Variants in DMD observed in about 807,000 individuals in gnomAD.
DMD encodes the protein dystrophin.
DMD carries 63 observed loss-of-function variants against 330.1 expected under a neutral mutation model. The ratio of observed to expected loss-of-function variants is 0.19; its 90% CI spans 0.16 to 0.24. The LOEUF (loss-of-function observed/expected upper bound fraction) is 0.24. Among genes scored for constraint, DMD ranks in the 10% least tolerant of loss-of-function variants. The probability of loss-of-function intolerance (pLI) is 1.00; values close to 1 mark genes in which losing one functional copy is unlikely to be tolerated. For synonymous variants in DMD, 1,223 were observed against 959.8 expected (o/e 1.27, Z -5.07); for missense variants, 3,344 against 2,684.1 (o/e 1.25, Z -5.43).
At chrX:32,015,319 A>T (rs1231409705) in intron 44 of DMD, among the ~76,000 whole-genome samples, 1 of 111,812 alleles carries the variant, frequency 8.9e-6, no homozygotes, top group African/African-American at 3.3e-5. Flanking sequence ...ACTCTGATTT[A>T]GTAGGCTTGG....
rs1234278525 is a variant in DMD at position 31,799,741 on chromosome X, CTA to C, written c.7309+20232_7309+20233del. Among the ~76,000 whole-genome samples, 7 of 112,261 alleles carry C rather than the reference CTA, an allele frequency of 6.2e-5. No homozygotes were observed. In the East Asian group the frequency reaches 2.0e-3, roughly 31 times the overall value. On this transcript the variant is annotated intron_variant, in intron 50 of 78. Coordinates refer to ENST00000357033, the MANE Select transcript of DMD (RefSeq NM_004006.3). ...CTAAGGCAAAGCAAGTCCCATCCGCCTATGAGCCTGAAAATCCAAAACAAGTT... is the reference window on the plus strand; with the variant it reads ...CTAAGGCAAAGCAAGTCCCATCCGCCTGAGCCTGAAAATCCAAAACAAGTT...
At chrX:33,296,981 T>C (rs1201240260) in intron 1 of DMD, among the ~76,000 whole-genome samples, 2 of 111,373 alleles carry the variant, frequency 1.8e-5, no homozygotes, top group African/African-American at 6.5e-5. Flanking sequence ...TCTGAAGTGA[T>C]ACTTCCTGAG....
chrX:32,926,093 C>G (rs1190469494), intron 2 of DMD, among the ~76,000 whole-genome samples: 1 of 112,407 alleles, frequency 8.9e-6, no homozygotes, highest in African/African-American at 3.2e-5. Flanking sequence ...TGGTCACACA[C>G]ACACACAATG....
At chrX:33,045,649 G>A (rs1281012700) in intron 1 of DMD, among the ~76,000 whole-genome samples, 1 of 108,737 alleles carries the variant, frequency 9.2e-6, no homozygotes, top group Non-Finnish European at 1.9e-5. Context: ...GTGGGGGTGT[G>A]GGGAGGGTCC....
intron 9 of DMD, among the ~76,000 whole-genome samples, chrX:32,652,104 C>G (rs920069739): frequency 2.4e-4 from 27 of 111,204 alleles, no homozygotes; most frequent in Non-Finnish European, 4.7e-4. Context: ...CATTCTATAG[C>G]CTATTAAACA....
chrX:33,009,444 A>G lies in DMD; in HGVS notation c.93+10695T>C, dbSNP rs866016129. On this transcript the variant is annotated intron_variant, in intron 2 of 78. Coordinates refer to ENST00000357033, the MANE Select transcript of DMD (RefSeq NM_004006.3). ...TGTGTATATGTATGTGTATACACAT[A>G]TGTATGTATGTGTATACACATATGT... Among the ~76,000 whole-genome samples the G allele has an allele frequency of 3.4e-4, 9 of 26,623 alleles. 1 individual carries two copies. In the East Asian group the frequency reaches 6.5e-3, roughly 19 times the overall value. 23.1% of individuals were successfully genotyped at this position (26,623 alleles called of 115,157 possible).
chrX:33,297,169 A>G (rs925076815), intron 1 of DMD, among the ~76,000 whole-genome samples: 11 of 111,718 alleles, frequency 9.8e-5, no homozygotes, highest in Admixed American at 9.5e-4. Context: ...ACACACACAC[A>G]TTAGTGTACA....
intron 18 of DMD, among the ~76,000 whole-genome samples, chrX:32,504,153 C>A (rs2044366016): frequency 8.9e-6 from 1 of 112,112 alleles, no homozygotes; most frequent in African/African-American, 3.2e-5. Context: ...TAGGCATAAA[C>A]CTTACACCCT....
chrX:33,053,798 T>A (rs182547726), intron 1 of DMD, among the ~76,000 whole-genome samples: 1 of 109,701 alleles, frequency 9.1e-6, no homozygotes, highest in Non-Finnish European at 1.9e-5. Flanking sequence ...TAACAGAAGC[T>A]AGAATAGTGA....
intron 2 of DMD, among the ~76,000 whole-genome samples, chrX:32,887,756 A>AC (rs2084772274): frequency 1.0e-5 from 1 of 97,234 alleles, no homozygotes; most frequent in African/African-American, 3.9e-5. Context: ...AAAAAAAAAA[A>AC]AAAAAAAAAA....
chrX:31,147,645 A>G, intron 74 of DMD, 127 bp from the exon 75 acceptor site: 1 of 491,813 alleles, frequency 2.0e-6, no homozygotes, highest in Non-Finnish European at 3.4e-6. Context: ...ACTGCCACCG[A>G]AGAACAGCAA....
At chrX:32,265,940 C>G in intron 43 of DMD, among the ~76,000 whole-genome samples, 1 of 111,559 alleles carries the variant, frequency 9.0e-6, no homozygotes, top group Non-Finnish European at 1.9e-5. Flanking sequence ...TGGGTTAATG[C>G]TAGAGTGAGT....
intron 4 of DMD, among the ~76,000 whole-genome samples, chrX:32,831,166 C>T (rs1044401629): frequency 4.5e-5 from 5 of 110,835 alleles, no homozygotes; most frequent in Admixed American, 3.9e-4. Flanking sequence ...GAACAATTCT[C>T]GTCATTTGCT....
intron 7 of DMD, among the ~76,000 whole-genome samples, chrX:32,778,932 G>C (rs1201321428): frequency 9.0e-6 from 1 of 111,309 alleles, no homozygotes; most frequent in Non-Finnish European, 1.9e-5. Flanking sequence ...TGGGGAGCCA[G>C]CATCCAACTA....
intron 42 of DMD, among the ~76,000 whole-genome samples, chrX:32,297,732 A>G (rs146623109): frequency 3.2e-3 from 355 of 112,011 alleles, no homozygotes; most frequent in Middle Eastern, 9.1e-3. Flanking sequence ...TGAGGAGCAA[A>G]ACTAAAGCAG....
chrX:32,330,513 C>A (rs931670277), intron 41 of DMD, among the ~76,000 whole-genome samples: 1 of 111,948 alleles, frequency 8.9e-6, no homozygotes, highest in Non-Finnish European at 1.9e-5. Context: ...AACCCCACTG[C>A]AGAAGCCATC....
intron 1 of DMD, among the ~76,000 whole-genome samples, chrX:33,176,868 C>T (rs145808481): frequency 0.042 from 4,719 of 111,148 alleles, 101 homozygotes; most frequent in Middle Eastern, 0.079. Flanking sequence ...ATCCAGCAGG[C>T]GGAGGTTGCA....
chrX:33,187,929 G>T (rs1263983116), intron 1 of DMD, among the ~76,000 whole-genome samples: 1 of 111,049 alleles, frequency 9.0e-6, no homozygotes, highest in Non-Finnish European at 1.9e-5. Flanking sequence ...GATGCTGTGG[G>T]TATTACAGAA....
At chrX:32,840,064 G>T (rs1159804977) in intron 4 of DMD, among the ~76,000 whole-genome samples, 3 of 111,976 alleles carry the variant, frequency 2.7e-5, no homozygotes, top group Non-Finnish European at 5.6e-5. Flanking sequence ...TAAGGTAAAG[G>T]TTCCTTTGTT....
Sources: gnomAD v4.1 joint callset for allele counts (sites outside exome capture counted in the v4.1 genomes callset) on GRCh38, gnomAD v4.1.1 for gene constraint, MANE v1.5 for transcripts, NCBI Gene and HGNC (gene_info 2026-07-23, HGNC 2026-07-21) for gene names.